Variants in FAM209A observed in about 807,000 individuals in gnomAD.
FAM209A encodes the protein family with sequence similarity 209 member A.
FAM209A carries 4 observed loss-of-function variants against 9.8 expected under a neutral mutation model. The observed-to-expected ratio is 0.41, with a 90% CI of 0.20 to 0.94. FAM209A has a LOEUF of 0.94. FAM209A is among the 40% of genes least tolerant of loss of function. The probability of loss-of-function intolerance (pLI) is 0.32; values close to 1 mark genes in which losing one functional copy is unlikely to be tolerated. For missense variants in FAM209A, 205 were observed against 209.4 expected (o/e 0.98, Z 0.13); for synonymous variants, 55 against 77.8 (o/e 0.71, Z 1.54).
chr20:56,525,306 G>A (rs1985474487), intron 1 of FAM209A, among the ~76,000 whole-genome samples: 1 of 152,176 alleles, frequency 6.6e-6, no homozygotes, highest in African/African-American at 2.4e-5. Flanking sequence ...CTGGTTAGAT[G>A]GATTTTTTCA....
downstream of FAM209A, among the ~76,000 whole-genome samples, chr20:56,529,163 G>T (rs975880509): frequency 1.3e-5 from 2 of 151,096 alleles, no homozygotes; most frequent in African/African-American, 4.9e-5. Context: ...AGCCAATATT[G>T]TGCCATTGCA....
At chr20:56,533,251 C>T in the FAM209A span, 1 of 1,578,156 alleles carries the variant, frequency 6.3e-7, no homozygotes, top group Non-Finnish European at 8.6e-7. Flanking sequence ...TCTGTGACAT[C>T]ACCAAGGGCC....
At chr20:56,525,529 A>C (rs1398497916) in intron 1 of FAM209A, among the ~76,000 whole-genome samples, 1 of 152,196 alleles carries the variant, frequency 6.6e-6, no homozygotes, top group Non-Finnish European at 1.5e-5. Flanking sequence ...TGGTCCTCAA[A>C]GTGACCACAA....
In FAM209A at chr20:56,526,059, A is replaced by G. The variant is rs773824414; in HGVS notation, c.505A>G (p.Ser169Gly). The change falls in exon 2 of 2, where the codon AGC becomes GGC. Residue 169 changes from serine to glycine, a missense_variant. Physicochemically the swap from Ser to Gly is moderately conservative, Grantham distance 56. Transcript: ENST00000371328. ...VTICEIWGEE[S>G]SS ...GATCTGTGAAATATGGGGAGAAGAA[A>G]GCTCTAGCTGAATGGATTTGTGTGT... 320 of 1,600,590 alleles carry G rather than the reference A, an allele frequency of 2.0e-4. No homozygotes were observed. Among genetic ancestry groups the G allele is most frequent in the Non-Finnish European group, 2.7e-4 (311 of 1,173,088 alleles).
chr20:56,524,750 C>G lies in FAM209A; in HGVS notation c.-59C>G. 6.2e-7 allele frequency: 1 copy of G among 1,600,414 alleles called. No homozygotes were observed. Among genetic ancestry groups the G allele is most frequent in the Non-Finnish European group, 8.5e-7 (1 of 1,172,106 alleles). ...GGCCTGGCACCAGGTGCCCAGTCTC[C>G]CAGTTGCGAGGGCAAGCAAACCCGT... On this transcript the variant is annotated 5_prime_UTR_variant, in exon 1 of 2. Coordinates refer to ENST00000371328, the MANE Select transcript of FAM209A (RefSeq NM_001012971.4).
In FAM209A at chr20:56,525,831, G is replaced by T. The variant is rs1054339; in HGVS notation, c.277G>T (p.Gly93Cys). 8 of 1,613,828 alleles carry T rather than the reference G, an allele frequency of 5.0e-6. No homozygotes were observed. The highest frequency in any genetic ancestry group is 5.1e-6 in the Non-Finnish European group (6 of 1,180,010). Reference protein sequence around the residue: ...KEQSPPGLRGGQLHSPLKKKR... With the variant: ...KEQSPPGLRGCQLHSPLKKKR... ...GCAGAGTCCTCCTGGCCTTCGAGGC[G>T]GCCAACTTCACTCTCCATTAAAGAA... Residue 93 changes from glycine to cysteine, a missense_variant, in exon 2 of 2, where the codon GGC (glycine) becomes TGC (cysteine). Physicochemically the swap from Gly to Cys is radical, Grantham distance 159. Coordinates refer to ENST00000371328, the MANE Select transcript of FAM209A (RefSeq NM_001012971.4).
downstream of FAM209A, among the ~76,000 whole-genome samples, chr20:56,526,392 T>G (rs933722049): frequency 6.6e-6 from 1 of 152,168 alleles, no homozygotes; most frequent in Non-Finnish European, 1.5e-5. Context: ...TGACGTCACT[T>G]CCATACAAAC....
At chr20:56,529,331 A>G (rs1032685987), downstream of FAM209A, among the ~76,000 whole-genome samples, 10 of 152,122 alleles carry the variant, frequency 6.6e-5, no homozygotes, top group African/African-American at 2.2e-4. Flanking sequence ...ACCCTGGCCA[A>G]CAAGGTGAAA....
chr20:56,525,656 C>A, intron 1 of FAM209A, 148 bp from the exon 2 acceptor site: 1 of 791,314 alleles, frequency 1.3e-6, no homozygotes, highest in Non-Finnish European at 2.0e-6. Context: ...AAACCCTTCC[C>A]GTAAAGGGCC....
the FAM209A span, among the ~76,000 whole-genome samples, chr20:56,531,738 G>C: frequency 6.6e-6 from 1 of 152,070 alleles, no homozygotes. Context: ...TGATTCTCCT[G>C]CCTCAGCCTC....
chr20:56,528,040 GAGGTGGC>G (rs1326427289), downstream of FAM209A, among the ~76,000 whole-genome samples: 2 of 152,160 alleles, frequency 1.3e-5, no homozygotes, highest in Non-Finnish European at 2.9e-5. Flanking sequence ...CCAGGAGGTG[GAGGTGGC>G]AGTGAGCTGA....
At chr20:56,525,115 A>T (rs987397438) in intron 1 of FAM209A, 58 bp downstream of exon 1, 49 of 1,596,112 alleles carry the variant, frequency 3.1e-5, no homozygotes, top group Non-Finnish European at 3.8e-5. Context: ...AGTCTCAGGG[A>T]AACGGATGTT....
chr20:56,525,145 C>T, intron 1 of FAM209A, 88 bp downstream of exon 1: 5 of 1,550,934 alleles, frequency 3.2e-6, no homozygotes, highest in East Asian at 4.5e-5. Flanking sequence ...CTAGACGGCA[C>T]CGTTGGGTAT....
chr20:56,525,172 G>A, intron 1 of FAM209A, 115 bp downstream of exon 1: 1 of 1,433,896 alleles, frequency 7.0e-7, no homozygotes, highest in East Asian at 2.3e-5. Flanking sequence ...CCGACCTCAT[G>A]GTCCTGGGCA....
the FAM209A span, among the ~76,000 whole-genome samples, chr20:56,532,844 C>A: frequency 2.6e-5 from 4 of 152,098 alleles, no homozygotes; most frequent in Non-Finnish European, 4.4e-5. Flanking sequence ...ACCCACCCCC[C>A]ACAACATTTA....
downstream of FAM209A, among the ~76,000 whole-genome samples, chr20:56,530,229 G>A (rs911662423): frequency 5.4e-5 from 8 of 148,144 alleles, no homozygotes; most frequent in African/African-American, 2.0e-4. Flanking sequence ...ATTTTGGCAA[G>A]GAGCAGGAAT....
intron 1 of FAM209A, 29 bp downstream of exon 1, chr20:56,525,086 A>G (rs546412656): frequency 1.9e-6 from 3 of 1,609,302 alleles, no homozygotes; most frequent in African/African-American, 2.7e-5. Flanking sequence ...TTTTTACACC[A>G]TATTGATTCA....
chr20:56,533,305 C>G, the FAM209A span: 1 of 1,608,126 alleles, frequency 6.2e-7, no homozygotes, highest in Non-Finnish European at 8.5e-7. Context: ...GCAAGCAAAC[C>G]CGTCATGAGC....
At chr20:56,527,743 G>A (rs1382395758), downstream of FAM209A, among the ~76,000 whole-genome samples, 1 of 152,242 alleles carries the variant, frequency 6.6e-6, no homozygotes, top group East Asian at 1.9e-4. Context: ...AGGAGGCCCT[G>A]CCTCGAAGGC....
Sources: allele counts gnomAD v4.1 joint callset (sites outside exome capture counted in the v4.1 genomes callset), GRCh38; gene constraint gnomAD v4.1.1; transcripts MANE v1.5; gene names NCBI Gene and HGNC (gene_info 2026-07-23, HGNC 2026-07-21).